The following MMP28 variants were observed in gnomAD, a reference collection of about 807,000 sequenced individuals.
MMP28 encodes matrix metalloproteinase-28.
Under a neutral mutation model 60.5 loss-of-function variants are expected in MMP28, and 55 were observed. The ratio of observed to expected loss-of-function variants is 0.91; its 90% CI spans 0.73 to 1.14. The LOEUF (loss-of-function observed/expected upper bound fraction) is 1.14. MMP28 is among the 50% of genes most tolerant of loss of function. The pLI is 0.00. For missense variants in MMP28, 686 were observed against 738.3 expected (o/e 0.93, Z 0.82); for synonymous variants, 318 against 312.5 (o/e 1.02, Z -0.18).
intron 1 of MMP28, among the ~76,000 whole-genome samples, chr17:35,789,533 G>C (rs1030869313): frequency 6.6e-6 from 1 of 151,954 alleles, no homozygotes; most frequent in Non-Finnish European, 1.5e-5. Context: ...ATTTAAAGCT[G>C]TGAATTTCAT....
At chr17:35,763,593 A>AT (rs2085868631), downstream of MMP28, among the ~76,000 whole-genome samples, 1 of 151,126 alleles carries the variant, frequency 6.6e-6, no homozygotes, top group East Asian at 2.0e-4. Flanking sequence ...GACTTAAAAA[A>AT]TTTTTTTGAA....
downstream of MMP28, chr17:35,764,502 T>A: frequency 1.3e-6 from 2 of 1,588,974 alleles, no homozygotes; most frequent in Non-Finnish European, 1.7e-6. Context: ...CTGTGCTTGC[T>A]GCGAGCTCCT....
chr17:35,790,890 G>GA (rs2086794931), intron 1 of MMP28, among the ~76,000 whole-genome samples: 1 of 117,044 alleles, frequency 8.5e-6, no homozygotes. Context: ...ATGTATTAAT[G>GA]TTTTTTTTTT....
intron 1 of MMP28, among the ~76,000 whole-genome samples, chr17:35,793,802 C>A (rs1304706297): frequency 6.6e-6 from 1 of 152,148 alleles, no homozygotes; most frequent in East Asian, 1.9e-4. Flanking sequence ...TAATTCAGAA[C>A]CTGTTCATAT....
downstream of MMP28, chr17:35,764,325 G>C (rs2085889803): frequency 2.7e-6 from 4 of 1,472,520 alleles, no homozygotes; most frequent in South Asian, 4.1e-5. Flanking sequence ...CCCACCGACA[G>C]GTGCCTGCGC....
At chr17:35,778,565 C>A in intron 3 of MMP28, 1 of 436,090 alleles carries the variant, frequency 2.3e-6, no homozygotes, top group Non-Finnish European at 4.1e-6. Context: ...ATGAAAATAA[C>A]TTCAGTAAAT....
chr17:35,773,266 G>A lies in MMP28; in HGVS notation c.518C>T (p.Ala173Val), dbSNP rs961646838. ...SNVSALEFWE[A>V]PATGPADIRL... ...GATGTCAGCGGGGCCTGTGGCTGGGGCCTCCCAGAACTCCAGCGCTGAGAC... is the reference window on the plus strand; with the variant it reads ...GATGTCAGCGGGGCCTGTGGCTGGGACCTCCCAGAACTCCAGCGCTGAGAC... Residue 173 changes from alanine to valine, a missense_variant, in exon 4 of 8, where the codon GCC becomes GTC. Transcript: ENST00000605424. The A allele has an allele frequency of 1.2e-6, 2 of 1,614,044 alleles. No homozygotes were observed. Among genetic ancestry groups the A allele is most frequent in the Admixed American group, 3.3e-5 (2 of 60,028 alleles).
chr17:35,779,172 G>A (rs1387282446), intron 2 of MMP28, 72 bp downstream of exon 2: 5 of 1,566,684 alleles, frequency 3.2e-6, no homozygotes, highest in African/African-American at 1.4e-5. Flanking sequence ...GCTTCCAGGA[G>A]GAGGGAGGAA....
At chr17:35,784,225 T>A (rs1007996658) in intron 1 of MMP28, among the ~76,000 whole-genome samples, 2 of 149,220 alleles carry the variant, frequency 1.3e-5, no homozygotes, top group Non-Finnish European at 3.0e-5. Flanking sequence ...GAGGTTGCAG[T>A]GAGCCCAGAT....
In MMP28 at chr17:35,770,243, G is replaced by A. The variant is rs765569858; in HGVS notation, c.674C>T (p.Ser225Phe). 2 of 1,589,270 alleles carry A rather than the reference G, an allele frequency of 1.3e-6. No individual in the cohort carries two copies. The highest frequency in any genetic ancestry group is 1.7e-6 in the Non-Finnish European group (2 of 1,174,244). The part of the protein sequence containing the change: ...EAHFDQDERW[S>F]LSRRRGRNLF... ...GTTGCGCCCGCGGCGGCGGCTCAGG[G>A]ACCAGCGCTCATCTTGGTCGAAGTG... Residue 225 changes from serine to phenylalanine, a missense_variant, in exon 5 of 8, where the codon TCC (serine) becomes TTC (phenylalanine). Transcript: ENST00000605424.
intron 1 of MMP28, among the ~76,000 whole-genome samples, chr17:35,781,579 T>A (rs1202983073): frequency 6.6e-6 from 1 of 152,204 alleles, no homozygotes; most frequent in Non-Finnish European, 1.5e-5. Context: ...GAGAGAAAAG[T>A]GTGACTATTA....
intron 1 of MMP28, among the ~76,000 whole-genome samples, chr17:35,786,246 C>A (rs1027524165): frequency 6.6e-6 from 1 of 151,742 alleles, no homozygotes; most frequent in South Asian, 2.1e-4. Context: ...TTAGTAGAAA[C>A]GGGGTTTCAC....
At position 35,770,250 on chromosome 17, in the gene MMP28, G is replaced by T. The variant is rs777893799; in HGVS notation, c.667C>A (p.Arg223Ser). ...RGEAHFDQDE[R>S]WSLSRRRGRN... Reference sequence around the variant, plus strand: ...CCGCGGCGGCGGCTCAGGGACCAGCGCTCATCTTGGTCGAAGTGCGCTTCG... The same window carrying T: ...CCGCGGCGGCGGCTCAGGGACCAGCTCTCATCTTGGTCGAAGTGCGCTTCG... The change falls in exon 5 of 8, where the codon CGC becomes AGC. Residue 223 changes from arginine to serine, a missense_variant. Transcript: ENST00000605424. 1.3e-5 allele frequency: 20 copies of T among 1,585,988 alleles called. No individual in the cohort carries two copies. The highest frequency in any genetic ancestry group is 1.6e-5 in the Non-Finnish European group (19 of 1,172,892).
Position 35,766,271 on chromosome 17 carries a change from T to G in MMP28, c.*229A>C. ...AAGGGCCAAGGGATCTGGGACCCTT[T>G]TTTGCTTTTCCTAAGATTGATCCCA... On this transcript the variant is annotated 3_prime_UTR_variant, in exon 8 of 8. Coordinates refer to ENST00000605424, the MANE Select transcript of MMP28 (RefSeq NM_024302.5). This position sits in a 1 kb window ranked among gnomAD's most constrained non-coding sequence, Gnocchi z 4.3. The G allele has an allele frequency of 7.6e-7, 1 of 1,310,942 alleles. No individual in the cohort carries two copies. Among genetic ancestry groups the G allele is most frequent in the Non-Finnish European group, 9.7e-7 (1 of 1,030,882 alleles). The allele number at this position is 1,310,942 out of a possible 1,614,324, so 81.2% of individuals were successfully genotyped here.
At position 35,795,456 on chromosome 17, in the gene MMP28, C is replaced by A; in HGVS notation, c.-79G>T. On this transcript the variant is annotated 5_prime_UTR_variant, in exon 1 of 8. Transcript: ENST00000605424. ...GCCGGCAGTCAGCCGCGCCCGGGAC[C>A]CCGGGGATGGGACTGCTCTGCGCCG... 1 of 1,093,104 alleles carries A rather than the reference C, an allele frequency of 9.1e-7. No homozygotes were observed. The highest frequency in any genetic ancestry group is 1.7e-5 in the African/African-American group (1 of 60,516). The allele number at this position is 1,093,104 out of a possible 1,614,324, so 67.7% of individuals were successfully genotyped here. A position where few individuals can be genotyped will look rare whatever the true frequency, so the allele number is the denominator to read the frequency against.
intron 1 of MMP28, among the ~76,000 whole-genome samples, chr17:35,780,732 G>A (rs961023546): frequency 6.6e-6 from 1 of 152,000 alleles, no homozygotes; most frequent in African/African-American, 2.4e-5. Context: ...CTACTCTGGA[G>A]GCTGAGGCAT....
chr17:35,760,535 A>AGTG (rs1245898354), intron 2 of MMP28, among the ~76,000 whole-genome samples: 2 of 152,218 alleles, frequency 1.3e-5, no homozygotes, highest in African/African-American at 4.8e-5. Flanking sequence ...CAGTGCTTTC[A>AGTG]GTGCTTCCCA....
downstream of MMP28, chr17:35,764,528 C>A (rs782620462): frequency 1.3e-6 from 2 of 1,599,982 alleles, no homozygotes; most frequent in South Asian, 2.2e-5. Context: ...GCAAGAAATG[C>A]AGGAGTCTGC....
intron 4 of MMP28, among the ~76,000 whole-genome samples, chr17:35,771,229 G>A (rs2086126538): frequency 6.6e-6 from 1 of 152,084 alleles, no homozygotes; most frequent in Admixed American, 6.6e-5. Context: ...TCAAGAGATT[G>A]AGACCATCCT....
Sources: gnomAD v4.1 joint callset for allele counts (sites outside exome capture counted in the v4.1 genomes callset) on GRCh38, gnomAD v4.1.1 for gene constraint, Gnocchi (gnomAD v3.1) non-coding constraint, MANE v1.5 for transcripts, NCBI Gene and HGNC (gene_info 2026-07-23, HGNC 2026-07-21) for gene names.